ADAM22: variants seen among roughly 807,000 people sequenced by gnomAD.
ADAM22 encodes ADAM metallopeptidase domain 22.
A neutral mutation model predicts 144.6 loss-of-function variants in ADAM22; 65 were observed. The ratio of observed to expected loss-of-function variants is 0.45; its 90% CI spans 0.37 to 0.55. The LOEUF is 0.55. ADAM22 is among the 20% of genes least tolerant of loss of function. The pLI is 0.00. For synonymous variants in ADAM22, 391 were observed against 412.6 expected, an observed-to-expected ratio of 0.95 and a Z score of 0.63; for missense variants, 974 against 1,184.9, an observed-to-expected ratio of 0.82 and a Z score of 2.61.
chr7:88,104,748 A>G (rs1250000222), intron 4 of ADAM22, among the ~76,000 whole-genome samples: 1 of 152,110 alleles, frequency 6.6e-6, no homozygotes, highest in Admixed American at 6.6e-5. Flanking sequence ...ATAATTACAT[A>G]TACCACCAGT....
In ADAM22 at chr7:87,972,412, C is replaced by T. The variant is rs527447983; in HGVS notation, c.247-5924C>T. 2.5e-3 allele frequency among the ~76,000 whole-genome samples: 375 copies of T among 151,890 alleles called. 1 individual carries two copies. The highest frequency in any genetic ancestry group is 8.7e-3 in the African/African-American group (360 of 41,378). On this transcript the variant is annotated intron_variant, in intron 2 of 31. Transcript: ENST00000413139. ...GACCTCTTCAAGGAGAACTACAAAC[C>T]ACTGCTCAATGAAATAAAAGAGGAT...
chr7:87,970,002 T>C (rs1850048209), intron 2 of ADAM22, among the ~76,000 whole-genome samples: 1 of 152,192 alleles, frequency 6.6e-6, no homozygotes, highest in South Asian at 2.1e-4. Flanking sequence ...AATTTACATA[T>C]AGGTAGACCT....
intron 2 of ADAM22, among the ~76,000 whole-genome samples, chr7:87,954,549 G>A (rs929957581): frequency 6.6e-5 from 10 of 152,118 alleles, no homozygotes; most frequent in African/African-American, 2.4e-5. Flanking sequence ...TGGGTAACCC[G>A]ACCTTTCTCT....
chr7:88,011,667 C>T (rs1479675333), intron 3 of ADAM22, among the ~76,000 whole-genome samples: 1 of 151,762 alleles, frequency 6.6e-6, no homozygotes, highest in African/African-American at 2.4e-5. Flanking sequence ...GAGTGGTGAA[C>T]CCTGAAAGTA....
Position 88,163,038 on chromosome 7 carries a change from A to T in ADAM22, c.1934A>T (p.Asp645Val), listed in dbSNP as rs189398829. The T allele has an allele frequency of 2.9e-4, 464 of 1,608,916 alleles. 1 individual carries two copies. In the African/African-American group the frequency reaches 5.9e-3, roughly 20 times the overall value. ...CSGGHVKLEEDVDLGYVEDGT... is the reference protein window; with the variant it reads ...CSGGHVKLEEVVDLGYVEDGT... ...GGTGGGCATGTTAAGCTTGAAGAAG[A>T]TGTAGATCTTGGCTATGTGGAAGAT... Residue 645 changes from aspartate (D) to valine (V), a missense_variant, in exon 23 of 32, where the codon GAT (aspartate) becomes GTT (valine). Physicochemically the swap from Asp to Val is radical, Grantham distance 152. Transcript: ENST00000413139.
chr7:87,984,791 C>T (rs1854544785), intron 3 of ADAM22, among the ~76,000 whole-genome samples: 1 of 152,050 alleles, frequency 6.6e-6, no homozygotes, highest in Admixed American at 6.5e-5. Flanking sequence ...AGCAATCCTC[C>T]CATCTCAGCC....
intron 2 of ADAM22, among the ~76,000 whole-genome samples, chr7:87,956,883 G>C (rs1170777044): frequency 6.6e-6 from 1 of 152,116 alleles, no homozygotes; most frequent in East Asian, 1.9e-4. Context: ...GAACATGTGT[G>C]TAAAAAATTT....
At chr7:88,007,285 G>T (rs1794153761) in intron 3 of ADAM22, among the ~76,000 whole-genome samples, 1 of 152,102 alleles carries the variant, frequency 6.6e-6, no homozygotes, top group Non-Finnish European at 1.5e-5. Context: ...CATGCTCATG[G>T]GTAGGAAGAA....
At chr7:87,959,870 T>A (rs1847651798) in intron 2 of ADAM22, among the ~76,000 whole-genome samples, 1 of 152,218 alleles carries the variant, frequency 6.6e-6, no homozygotes, top group Non-Finnish European at 1.5e-5. Context: ...TAAAATTCAC[T>A]CTTTTAGAAT....
At chr7:88,130,882 C>A (rs1254245487) in intron 10 of ADAM22, among the ~76,000 whole-genome samples, 3 of 152,148 alleles carry the variant, frequency 2.0e-5, no homozygotes, top group African/African-American at 4.8e-5. Flanking sequence ...CTAGTACCTT[C>A]TTCACAAGTC....
chr7:88,049,386 TTTTG>T (rs1163210992), intron 3 of ADAM22, among the ~76,000 whole-genome samples: 11 of 152,280 alleles, frequency 7.2e-5, no homozygotes, highest in Admixed American at 4.6e-4. Context: ...GTTTTTTGTT[TTTTG>T]TTTGTTTGTT....
chr7:88,034,308 T>G (rs1001789789), intron 3 of ADAM22, among the ~76,000 whole-genome samples: 4 of 152,158 alleles, frequency 2.6e-5, no homozygotes, highest in African/African-American at 9.7e-5. Flanking sequence ...GCTTCCTTTT[T>G]GGGATAGCGT....
At chr7:87,989,355 A>G (rs1688897) in intron 3 of ADAM22, among the ~76,000 whole-genome samples, 86,996 of 151,922 alleles carry the variant, frequency 0.57, 25,605 homozygotes, top group African/African-American at 0.69. Context: ...TATTTTTTAG[A>G]TATTTAAATT....
At chr7:88,131,774 T>G (rs1831860620) in intron 11 of ADAM22, 2 of 266,242 alleles carry the variant, frequency 7.5e-6, no homozygotes, top group African/African-American at 4.4e-5. Context: ...TGTTAATGTT[T>G]TCTCTGTTTT....
At chr7:87,997,117 G>T (rs909687574) in intron 3 of ADAM22, among the ~76,000 whole-genome samples, 3 of 152,072 alleles carry the variant, frequency 2.0e-5, no homozygotes, top group Non-Finnish European at 4.4e-5. Flanking sequence ...ATTGGAGTTT[G>T]TTTGTTCGTT....
intron 7 of ADAM22, among the ~76,000 whole-genome samples, chr7:88,124,885 G>A (rs1293778030): frequency 2.6e-5 from 4 of 151,888 alleles, no homozygotes; most frequent in African/African-American, 9.7e-5. Context: ...TTCACCTTGA[G>A]TGTTTTATAG....
In ADAM22 at chr7:87,994,397, G is replaced by A. The variant is rs1421093605; in HGVS notation, c.323+15985G>A. 2.6e-5 allele frequency among the ~76,000 whole-genome samples: 4 copies of A among 152,052 alleles called. No individual in the cohort carries two copies. In the East Asian group the frequency reaches 7.7e-4, roughly 29 times the overall value. Reference sequence around the variant, plus strand: ...AGGATGGTCTCGATCTCCTGACCTCGTGATCCGCCCGCCTCGGCCTCCCAA... The same window carrying A: ...AGGATGGTCTCGATCTCCTGACCTCATGATCCGCCCGCCTCGGCCTCCCAA... On this transcript the variant is annotated intron_variant, in intron 3 of 31. Transcript: ENST00000413139.
chr7:88,016,836 A>G (rs891465103), intron 3 of ADAM22, among the ~76,000 whole-genome samples: 1 of 152,206 alleles, frequency 6.6e-6, no homozygotes, highest in African/African-American at 2.4e-5. Flanking sequence ...AATTACAGCT[A>G]GGCCAGCATA....
intron 4 of ADAM22, among the ~76,000 whole-genome samples, chr7:88,083,297 A>C (rs1817412084): frequency 6.6e-6 from 1 of 151,366 alleles, no homozygotes; most frequent in Non-Finnish European, 1.5e-5. Context: ...GTGAGAACAC[A>C]TGGACACAGG....
Sources: gnomAD v4.1 joint callset for allele counts (sites outside exome capture counted in the v4.1 genomes callset) on GRCh38, gnomAD v4.1.1 for gene constraint, MANE v1.5 for transcripts, NCBI Gene and HGNC (gene_info 2026-07-23, HGNC 2026-07-21) for gene names.